HS6ST2: variants seen among roughly 807,000 people sequenced by gnomAD.
HS6ST2 encodes heparan-sulfate 6-O-sulfotransferase 2.
In HS6ST2, 17 loss-of-function variants were observed where a neutral mutation model predicts 33.0. The ratio of observed to expected loss-of-function variants is 0.52; its 90% CI spans 0.35 to 0.77. HS6ST2 has a LOEUF of 0.77. Among genes scored for constraint, HS6ST2 ranks in the 30% least tolerant of loss-of-function variants. The pLI, the probability that HS6ST2 is intolerant of heterozygous loss-of-function variation, is 0.01. For missense variants in HS6ST2, 519 were observed against 551.7 expected, an observed-to-expected ratio of 0.94 and a Z score of 0.59; for synonymous variants, 248 against 237.1, an observed-to-expected ratio of 1.05 and a Z score of -0.42.
chrX:132,930,572 G>A (rs958020091), intron 2 of HS6ST2, among the ~76,000 whole-genome samples: 1 of 110,972 alleles, frequency 9.0e-6, no homozygotes, highest in African/African-American at 3.3e-5. Context: ...GCAAGTATAT[G>A]GGTCTAAGAG....
At chrX:132,817,267 T>C (rs186074397) in intron 2 of HS6ST2, among the ~76,000 whole-genome samples, 1 of 110,946 alleles carries the variant, frequency 9.0e-6, no homozygotes, top group Admixed American at 9.7e-5. Flanking sequence ...TGGCTTCTGG[T>C]TGGTCACTTG....
intron 3 of HS6ST2, among the ~76,000 whole-genome samples, chrX:132,698,469 C>T (rs965218355): frequency 8.9e-6 from 1 of 111,865 alleles, no homozygotes; most frequent in East Asian, 2.8e-4. Flanking sequence ...AAGGATAACA[C>T]CCATTGCTGG....
chrX:132,721,956 A>G (rs2064333250), intron 2 of HS6ST2, among the ~76,000 whole-genome samples: 1 of 110,843 alleles, frequency 9.0e-6, no homozygotes, highest in Non-Finnish European at 1.9e-5. Context: ...TGGGAGGCCG[A>G]GACGGGCGGA....
intron 2 of HS6ST2, among the ~76,000 whole-genome samples, chrX:132,888,340 G>T (rs1210709361): frequency 9.0e-6 from 1 of 111,424 alleles, no homozygotes; most frequent in Non-Finnish European, 1.9e-5. Context: ...AAGAGCTTGT[G>T]CAGGGGAACT....
rs190424657 is a variant in HS6ST2, at chrX:132,626,113, C to A, written c.*2110G>T. ...ATGGACAGATGTTTACAGTTGAAAT[C>A]ATGGGATTTACATAATGGCAAAAAT... is the stretch of plus-strand genomic sequence containing the variant. On this transcript the variant is annotated 3_prime_UTR_variant, in exon 5 of 5. Transcript: ENST00000370833. 1.1e-4 allele frequency: 12 copies of A among 109,595 alleles called. No homozygotes were observed. The East Asian group carries it at 3.4e-3, about 31-fold the overall frequency. The allele number at this position is 109,595 out of a possible 1,213,427, so 9.0% of individuals were successfully genotyped here.
rs778676247 is a variant in HS6ST2 at position 132,956,828 on chromosome X, G to C, written c.927C>G (p.Asp309Glu). Residue 309 changes from aspartate to glutamate, a missense_variant, in exon 2 of 5, where the codon GAC (aspartate) becomes GAG (glutamate). Asp to Glu is a conservative substitution (Grantham distance 45). Transcript: ENST00000370833. Reference sequence around the variant, plus strand: ...CTCACCTGGACGGTCTCAGCCTGGCGTCGCGCTTGCCGTCCACCACGGAGG... The same window carrying C: ...CTCACCTGGACGGTCTCAGCCTGGCCTCGCGCTTGCCGTCCACCACGGAGG... ...CVPSVVDGKR[D>E]ARLRPSRWRI... is the part of the protein sequence containing the mutation. The C allele has an allele frequency of 4.6e-5, 54 of 1,174,140 alleles. No homozygotes were observed. Among genetic ancestry groups the C allele is most frequent in the Non-Finnish European group, 5.7e-5 (50 of 877,023 alleles).
At chrX:132,677,898 G>T (rs758407350) in intron 3 of HS6ST2, among the ~76,000 whole-genome samples, 8 of 111,993 alleles carry the variant, frequency 7.1e-5, no homozygotes, top group African/African-American at 2.6e-4. Flanking sequence ...TTGAGGCAGG[G>T]TTGGTCCTAC....
chrX:132,746,780 A>C (rs1263255896), intron 2 of HS6ST2, among the ~76,000 whole-genome samples: 1 of 111,598 alleles, frequency 9.0e-6, no homozygotes, highest in Admixed American at 9.5e-5. Flanking sequence ...CCATGGACCC[A>C]CCAGGGATTG....
intron 2 of HS6ST2, among the ~76,000 whole-genome samples, chrX:132,770,268 A>G (rs1449879636): frequency 1.8e-5 from 2 of 111,649 alleles, no homozygotes; most frequent in African/African-American, 6.5e-5. Flanking sequence ...TCACTGCTAT[A>G]ATGGGTAGAA....
chrX:132,660,254 G>A (rs1205361102), intron 4 of HS6ST2, among the ~76,000 whole-genome samples: 3 of 111,403 alleles, frequency 2.7e-5, no homozygotes, highest in Non-Finnish European at 5.7e-5. Flanking sequence ...ATTTTTGAAT[G>A]AATAAAGAAT....
chrX:132,648,736 T>G lies in HS6ST2; in HGVS notation c.1068-19643A>C, dbSNP rs145062727. 9.1e-3 allele frequency among the ~76,000 whole-genome samples: 1,008 copies of G among 111,376 alleles called. 11 individuals are homozygous for G. The highest frequency in any genetic ancestry group is 0.031 in the African/African-American group (954 of 30,592). ...TTATCTCTCTATCTTTTTACTTTCT[T>G]TCATGCCTTTAACCTGGTGGTACGG... On this transcript the variant is annotated intron_variant, in intron 4 of 4. Coordinates refer to ENST00000370833, the MANE Select transcript of HS6ST2 (RefSeq NM_001394073.1).
At chrX:132,645,614 C>T (rs1162793439) in intron 4 of HS6ST2, among the ~76,000 whole-genome samples, 2 of 112,050 alleles carry the variant, frequency 1.8e-5, no homozygotes, top group African/African-American at 3.2e-5. Context: ...GAGAACATGT[C>T]GACCTTCACC....
chrX:132,679,525 G>A (rs1174876039), intron 3 of HS6ST2, among the ~76,000 whole-genome samples: 1 of 111,327 alleles, frequency 9.0e-6, no homozygotes, highest in Non-Finnish European at 1.9e-5. Flanking sequence ...ATGGAGGCAG[G>A]GCGAGATCAC....
chrX:132,904,185 C>T (rs1195372282), intron 2 of HS6ST2, among the ~76,000 whole-genome samples: 1 of 112,108 alleles, frequency 8.9e-6, no homozygotes, highest in Non-Finnish European at 1.9e-5. Context: ...TCTAATTTAC[C>T]ACCTAATATA....
At chrX:132,646,727 A>G (rs2063647102) in intron 4 of HS6ST2, among the ~76,000 whole-genome samples, 1 of 110,433 alleles carries the variant, frequency 9.1e-6, no homozygotes, top group Non-Finnish European at 1.9e-5. Context: ...AGGAGAGTGT[A>G]TTAGTCCATT....
Position 132,684,905 on chromosome X carries a change from C to T in HS6ST2, c.981-15706G>A, listed in dbSNP as rs2064004387. 4.5e-5 allele frequency among the ~76,000 whole-genome samples: 5 copies of T among 111,859 alleles called. No individual in the cohort carries two copies. The South Asian group carries it at 1.9e-3, about 42-fold the overall frequency. On this transcript the variant is annotated intron_variant, in intron 3 of 4. Transcript: ENST00000370833. ...CACTATGTGCAATTCTTTTTCTATG[C>T]CTCCTAGCAATTCCTCATGAAACCT...
chrX:132,677,830 T>C lies in HS6ST2; in HGVS notation c.981-8631A>G, dbSNP rs2148215083. 1.8e-5 allele frequency among the ~76,000 whole-genome samples: 2 copies of C among 111,565 alleles called. 1 individual carries two copies. The highest frequency in any genetic ancestry group is 1.9e-4 in the Admixed American group (2 of 10,515). On this transcript the variant is annotated intron_variant, in intron 3 of 4. Coordinates refer to ENST00000370833, the MANE Select transcript of HS6ST2 (RefSeq NM_001394073.1). ...GTGGAAAAAGCTTGGGCACTGAAAT[T>C]AGGAAGAGCTGAGGTCATATTCTGT...
intron 2 of HS6ST2, among the ~76,000 whole-genome samples, chrX:132,888,042 T>G (rs1238498397): frequency 8.9e-6 from 1 of 111,756 alleles, no homozygotes; most frequent in Non-Finnish European, 1.9e-5. Context: ...AACAGGCACA[T>G]TGGAATTTTG....
chrX:132,757,915 T>G (rs2064772931), intron 2 of HS6ST2, among the ~76,000 whole-genome samples: 1 of 112,022 alleles, frequency 8.9e-6, no homozygotes, highest in Non-Finnish European at 1.9e-5. Context: ...ATAAATACTT[T>G]CCTTCAGGAA....
Sources: gnomAD v4.1 joint callset for allele counts (sites outside exome capture counted in the v4.1 genomes callset) on GRCh38, gnomAD v4.1.1 for gene constraint, MANE v1.5 for transcripts, NCBI Gene and HGNC (gene_info 2026-07-23, HGNC 2026-07-21) for gene names.